ANTXR1: variants seen among roughly 807,000 people sequenced by gnomAD.
ANTXR1 encodes the protein anthrax toxin receptor 1.
In ANTXR1, 19 loss-of-function variants were observed where a neutral mutation model predicts 78.1. That is an observed-to-expected ratio of 0.24 (90% CI 0.17 to 0.36). The LOEUF (loss-of-function observed/expected upper bound fraction) is 0.36. ANTXR1 is among the 10% of genes least tolerant of loss of function. ANTXR1 has a pLI of 1.00. For missense variants in ANTXR1, 518 were observed against 718.6 expected (o/e 0.72, Z 3.19); for synonymous variants, 273 against 260.5 (o/e 1.05, Z -0.46).
Position 69,106,292 on chromosome 2 carries a change from A to G in ANTXR1, c.802+3352A>G, listed in dbSNP as rs537122071. 1.8e-4 allele frequency among the ~76,000 whole-genome samples: 27 copies of G among 152,370 alleles called. No individual in the cohort carries two copies. The South Asian group carries it at 5.6e-3, about 32-fold the overall frequency. On this transcript the variant is annotated intron_variant, in intron 10 of 17. Coordinates refer to ENST00000303714, the MANE Select transcript of ANTXR1 (RefSeq NM_032208.3). ...CTTAGAAATCCAAGACAGTTTCTAG[A>G]TTTGTGGTCAACAAAATAGATCCAA...
intron 2 of ANTXR1, 43 bp downstream of exon 2, chr2:69,040,158 A>G (rs1345291108): frequency 3.8e-6 from 6 of 1,563,142 alleles, no homozygotes; most frequent in Non-Finnish European, 8.8e-7. Context: ...GTTCTCTGTC[A>G]TGAGTCAAAC....
intron 9 of ANTXR1, among the ~76,000 whole-genome samples, chr2:69,092,064 A>C (rs1299835869): frequency 6.6e-6 from 1 of 152,232 alleles, no homozygotes; most frequent in African/African-American, 2.4e-5. Flanking sequence ...TGTCCCCCAG[A>C]AACTTGCATC....
At chr2:69,222,592 G>A (rs989511434) in intron 17 of ANTXR1, among the ~76,000 whole-genome samples, 1 of 152,208 alleles carries the variant, frequency 6.6e-6, no homozygotes, top group Non-Finnish European at 1.5e-5. Flanking sequence ...ATATCAGGCA[G>A]AATAACAGCA....
At chr2:69,059,868 G>C (rs761224662) in intron 3 of ANTXR1, among the ~76,000 whole-genome samples, 1 of 152,078 alleles carries the variant, frequency 6.6e-6, no homozygotes, top group Non-Finnish European at 1.5e-5. Context: ...TAAGTCTTAA[G>C]GTATGTGAAG....
intron 17 of ANTXR1, among the ~76,000 whole-genome samples, chr2:69,205,076 T>C (rs1207283765): frequency 6.6e-6 from 1 of 151,660 alleles, no homozygotes; most frequent in Non-Finnish European, 1.5e-5. Flanking sequence ...TACACTGGAG[T>C]GGTCAGAAAA....
At chr2:69,198,836 C>T (rs572182542) in intron 17 of ANTXR1, among the ~76,000 whole-genome samples, 20 of 151,756 alleles carry the variant, frequency 1.3e-4, no homozygotes, top group Non-Finnish European at 2.2e-4. Flanking sequence ...GGAAAGGCTC[C>T]TTTGGAAGCT....
chr2:69,156,198 A>C (rs565375753), intron 13 of ANTXR1, among the ~76,000 whole-genome samples: 16 of 152,270 alleles, frequency 1.1e-4, no homozygotes, highest in African/African-American at 3.6e-4. Flanking sequence ...GTTTCTCTGA[A>C]GTTCCCTGTA....
chr2:69,209,718 G>T (rs1003665812), intron 17 of ANTXR1, among the ~76,000 whole-genome samples: 1 of 152,234 alleles, frequency 6.6e-6, no homozygotes, highest in Non-Finnish European at 1.5e-5. Flanking sequence ...GGCCTGCAAG[G>T]CTGGAAAGAG....
intron 1 of ANTXR1, among the ~76,000 whole-genome samples, chr2:69,036,554 A>T (rs1405944659): frequency 6.6e-6 from 1 of 152,186 alleles, no homozygotes; most frequent in African/African-American, 2.4e-5. Flanking sequence ...CCGATGAGGA[A>T]ATTGGACATG....
chr2:69,189,541 G>C (rs1348016615), intron 16 of ANTXR1, among the ~76,000 whole-genome samples: 2 of 152,194 alleles, frequency 1.3e-5, no homozygotes, highest in African/African-American at 2.4e-5. Context: ...TAGGAGAGAG[G>C]ACAGGAACCC....
chr2:69,070,823 GCTGA>G (rs1670541348), intron 4 of ANTXR1, 95 bp downstream of exon 4: 1 of 1,113,900 alleles, frequency 9.0e-7, no homozygotes, highest in Admixed American at 1.9e-5. Flanking sequence ...TATTAAGAGG[GCTGA>G]CTAGCACCCA....
chr2:69,035,467 G>T (rs1386057194), intron 1 of ANTXR1, among the ~76,000 whole-genome samples: 1 of 152,152 alleles, frequency 6.6e-6, no homozygotes, highest in African/African-American at 2.4e-5. Flanking sequence ...CCAAGGTGCA[G>T]ATCGAGATAC....
chr2:69,029,221 C>T (rs1245966258), intron 1 of ANTXR1, among the ~76,000 whole-genome samples: 1 of 151,254 alleles, frequency 6.6e-6, no homozygotes, highest in Admixed American at 6.6e-5. Flanking sequence ...AGAGCAAGAC[C>T]CTGTCTCAAA....
chr2:69,223,782 A>G lies in ANTXR1; in HGVS notation c.1435-21443A>G, dbSNP rs75541403. 9.8e-3 allele frequency among the ~76,000 whole-genome samples: 1,492 copies of G among 152,350 alleles called. 23 individuals are homozygous for G. Among genetic ancestry groups the G allele is most frequent in the African/African-American group, 0.034 (1,395 of 41,576 alleles). On this transcript the variant is annotated intron_variant, in intron 17 of 17. Coordinates refer to ENST00000303714, the MANE Select transcript of ANTXR1 (RefSeq NM_032208.3). Reference sequence around the variant, plus strand: ...GGTGTTAAGAGAAAGAATATCAGAAAATCAGGCAAGACCTTGCTTAAGGAA... The same window carrying G: ...GGTGTTAAGAGAAAGAATATCAGAAGATCAGGCAAGACCTTGCTTAAGGAA...
chr2:69,069,168 A>G (rs538932243), intron 3 of ANTXR1, among the ~76,000 whole-genome samples: 89 of 152,258 alleles, frequency 5.8e-4, no homozygotes, highest in African/African-American at 2.1e-3. Flanking sequence ...CGGTCTCCCC[A>G]TCATATCAGT....
intron 17 of ANTXR1, among the ~76,000 whole-genome samples, chr2:69,199,916 A>T (rs1346201270): frequency 6.6e-6 from 1 of 152,192 alleles, no homozygotes. Context: ...GGCTTTTAAC[A>T]GTCCCTTTCC....
intron 16 of ANTXR1, among the ~76,000 whole-genome samples, chr2:69,193,063 A>T (rs1413521399): frequency 6.6e-6 from 1 of 152,218 alleles, no homozygotes; most frequent in East Asian, 1.9e-4. Flanking sequence ...CAAAGCTTGA[A>T]TCAAGTTATG....
chr2:69,039,803 G>T (rs945581511), intron 1 of ANTXR1, among the ~76,000 whole-genome samples: 1 of 151,982 alleles, frequency 6.6e-6, no homozygotes, highest in African/African-American at 2.4e-5. Flanking sequence ...TCAGGGTTTG[G>T]GTGTGTGGAT....
intron 12 of ANTXR1, among the ~76,000 whole-genome samples, chr2:69,129,775 G>A (rs1019936975): frequency 1.3e-5 from 2 of 151,866 alleles, no homozygotes; most frequent in Non-Finnish European, 2.9e-5. Context: ...GTGTATAAAT[G>A]TATAATAAAG....
Sources: allele counts gnomAD v4.1 joint callset (sites outside exome capture counted in the v4.1 genomes callset), GRCh38; gene constraint gnomAD v4.1.1; transcripts MANE v1.5; gene names NCBI Gene and HGNC (gene_info 2026-07-23, HGNC 2026-07-21).